TMEM67: variants seen among roughly 807,000 people sequenced by gnomAD.
The protein encoded by TMEM67 is transmembrane protein 67.
In TMEM67, 124 loss-of-function variants were observed where a neutral mutation model predicts 136.6. The ratio of observed to expected loss-of-function variants is 0.91; its 90% confidence interval spans 0.78 to 1.05. The LOEUF (loss-of-function observed/expected upper bound fraction) is 1.05, where lower values mean the gene tolerates loss of function less well. TMEM67 is among the 50% of genes least tolerant of loss of function. The pLI is 0.00. For missense variants in TMEM67, 1,107 were observed against 1,178.4 expected (o/e 0.94, Z 0.89); for synonymous variants, 364 against 390.5 (o/e 0.93, Z 0.80).
rs368551772 is a variant in TMEM67, at chr8:93,788,649, A to G, written c.1518+700A>G. Among the ~76,000 whole-genome samples, 59 of 152,316 alleles carry G rather than the reference A, an allele frequency of 3.9e-4. 1 individual carries two copies. Among genetic ancestry groups the G allele is most frequent in the Admixed American group, 2.0e-4 (3 of 15,300 alleles). ...ACAGTGGGCATATGTGTGCTCACCA[A>G]TCTATGACCCACTTAATAGAGACAT... On this transcript the variant is annotated intron_variant, in intron 14 of 27. Coordinates refer to ENST00000453321, the MANE Select transcript of TMEM67 (RefSeq NM_153704.6).
At chr8:93,785,487 C>T in intron 12 of TMEM67, 109 bp downstream of exon 12, 1 of 1,165,270 alleles carries the variant, frequency 8.6e-7, no homozygotes, top group Admixed American at 1.8e-5. Flanking sequence ...CATGAATTCT[C>T]TCTTATGTGG....
chr8:93,769,115 A>T (rs1813217612), intron 6 of TMEM67, among the ~76,000 whole-genome samples: 1 of 152,174 alleles, frequency 6.6e-6, no homozygotes, highest in Non-Finnish European at 1.5e-5. Context: ...GACAACCTGG[A>T]ACACTCCAGG....
chr8:93,794,136 C>T (rs928773524), intron 16 of TMEM67, among the ~76,000 whole-genome samples: 1 of 152,070 alleles, frequency 6.6e-6, no homozygotes, highest in African/African-American at 2.4e-5. Context: ...ATGATCCGCC[C>T]ACCTCAGCCT....
chr8:93,815,556 T>C, intron 27 of TMEM67, 109 bp downstream of exon 27: 1 of 1,044,892 alleles, frequency 9.6e-7, no homozygotes, highest in Non-Finnish European at 1.4e-6. Flanking sequence ...TACTACAATT[T>C]TGTAAAGGTT....
At chr8:93,759,947 C>G in intron 3 of TMEM67, 5 of 1,535,882 alleles carry the variant, frequency 3.3e-6, no homozygotes, top group East Asian at 2.5e-5. Context: ...CGCACCTGAC[C>G]TTGGCATGTA....
intron 6 of TMEM67, among the ~76,000 whole-genome samples, chr8:93,767,927 G>A (rs1469750977): frequency 6.9e-6 from 1 of 144,522 alleles, no homozygotes; most frequent in East Asian, 2.0e-4. Context: ...GTGCAATGGC[G>A]CAATCTTAGC....
At chr8:93,758,260 A>G (rs1287122465) in intron 2 of TMEM67, among the ~76,000 whole-genome samples, 2 of 152,232 alleles carry the variant, frequency 1.3e-5, no homozygotes, top group African/African-American at 4.8e-5. Context: ...TATTATCCGG[A>G]GTTAATCCTT....
At chr8:93,828,835 G>A in the TMEM67 span, among the ~76,000 whole-genome samples, 264 of 151,518 alleles carry the variant, frequency 1.7e-3, 1 homozygote, top group African/African-American at 6.1e-3. Context: ...ATATTTAACT[G>A]CTAAGAAGGC....
At chr8:93,770,078 A>T (rs955334548) in intron 6 of TMEM67, among the ~76,000 whole-genome samples, 2 of 152,150 alleles carry the variant, frequency 1.3e-5, no homozygotes, top group Non-Finnish European at 2.9e-5. Flanking sequence ...AAATAGCTTC[A>T]TGGTTTTTGG....
intron 25 of TMEM67, 137 bp downstream of exon 25, chr8:93,809,298 GT>G: frequency 1.5e-6 from 1 of 679,348 alleles, no homozygotes. Flanking sequence ...CCCTTTTTTT[GT>G]CTGTCACATT....
chr8:93,829,175 C>T, the TMEM67 span, among the ~76,000 whole-genome samples: 6 of 152,120 alleles, frequency 3.9e-5, no homozygotes, highest in South Asian at 2.1e-4. Context: ...CTCTTCTTTG[C>T]GGTAGTACAC....
chr8:93,780,276 C>T (rs1293381418), intron 7 of TMEM67, among the ~76,000 whole-genome samples: 3 of 152,072 alleles, frequency 2.0e-5, no homozygotes, highest in South Asian at 2.1e-4. Flanking sequence ...CAGTCTGTCA[C>T]GGCTTCCCTT....
chr8:93,754,983 C>G lies in TMEM67; in HGVS notation c.69C>G (p.Thr23=). 1 of 1,614,208 alleles carries G rather than the reference C, an allele frequency of 6.2e-7. No individual in the cohort carries two copies. Among genetic ancestry groups the G allele is most frequent in the Non-Finnish European group, 8.5e-7 (1 of 1,180,034 alleles). ...CCCTCTTATCCGCCCGGGCCGTGAC[C>G]GCGTTCCTTCTGTTGTTCCTCCCTC... ...VWSLLSARAV[T]AFLLLFLPRF... is the part of the protein sequence containing the mutation. Residue 23 remains threonine (T), a synonymous_variant, in exon 1 of 28, where the codon ACC becomes ACG. Coordinates refer to ENST00000453321, the MANE Select transcript of TMEM67 (RefSeq NM_153704.6).
At chr8:93,793,074 T>C (rs1304156482) in intron 15 of TMEM67, 124 bp from the exon 16 acceptor site, 13 of 851,972 alleles carry the variant, frequency 1.5e-5, no homozygotes, top group Non-Finnish European at 2.3e-5. Context: ...CCCGGCTGAC[T>C]CCTGTGTCCT....
rs1007113948 is a variant in TMEM67, at chr8:93,816,425, A to G, written c.2961A>G (p.Thr987=). The G allele has an allele frequency of 2.5e-6, 4 of 1,598,676 alleles. No individual in the cohort carries two copies. The Admixed American group carries it at 5.0e-5, about 20-fold the overall frequency. ...TVGQKNLASK[T]LVDQRFLI is the part of the protein sequence containing the mutation. Reference sequence around the variant, plus strand: ...GACAAAAGAATTTGGCATCCAAAACATTGGTGGATCAAAGATTTTTGATTT... The same window carrying G: ...GACAAAAGAATTTGGCATCCAAAACGTTGGTGGATCAAAGATTTTTGATTT... The change falls in exon 28 of 28, where the codon ACA becomes ACG. Residue 987 remains threonine (T), a synonymous_variant. Coordinates refer to ENST00000453321, the MANE Select transcript of TMEM67 (RefSeq NM_153704.6).
At chr8:93,756,789 G>A (rs1221302485) in intron 2 of TMEM67, 2 of 152,130 alleles carry the variant, frequency 1.3e-5, no homozygotes, top group African/African-American at 2.4e-5. Context: ...AAATTGTCCT[G>A]TATAGGCCAG....
chr8:93,821,640 T>C (rs909913490), downstream of TMEM67, among the ~76,000 whole-genome samples: 1 of 152,176 alleles, frequency 6.6e-6, no homozygotes, highest in African/African-American at 2.4e-5. Context: ...GACTCATGCC[T>C]GTAATCCCAG....
intron 23 of TMEM67, among the ~76,000 whole-genome samples, chr8:93,808,417 A>G (rs1257232657): frequency 1.6e-4 from 1 of 6,216 alleles, no homozygotes; most frequent in East Asian, 3.4e-3. Context: ...TCTCTATTAT[A>G]GATATATATT....
In TMEM67 at chr8:93,809,043, C is replaced by CTTTTTTACA. The variant is rs779016511; in HGVS notation, c.2557-11_2557-3dup. 6.3e-7 allele frequency: 1 copy of CTTTTTTACA among 1,582,540 alleles called. No individual in the cohort carries two copies. The highest frequency in any genetic ancestry group is 1.7e-5 in the Admixed American group (1 of 59,954). ...AACATAACACTTTGTATTCATTTCT[C>CTTTTTTACA]TTTTTTACATTAGAAAAATGGTCCT... On this transcript the variant is annotated splice_polypyrimidine_tract_variant and intron_variant, in intron 24 of 27. Coordinates refer to ENST00000453321, the MANE Select transcript of TMEM67 (RefSeq NM_153704.6).
Sources: allele counts gnomAD v4.1 joint callset (sites outside exome capture counted in the v4.1 genomes callset), GRCh38; gene constraint gnomAD v4.1.1; transcripts MANE v1.5; gene names NCBI Gene and HGNC (gene_info 2026-07-23, HGNC 2026-07-21).